Variants in ZNF141 observed in about 807,000 individuals in gnomAD.
The protein encoded by ZNF141 is zinc finger protein 141 (clone pHZ-44).
In ZNF141, 7 loss-of-function variants were observed where a neutral mutation model predicts 11.3. The ratio of observed to expected loss-of-function variants is 0.62; its 90% CI spans 0.35 to 1.16. The LOEUF is 1.16. Ranked by LOEUF, ZNF141 falls within the 50% of genes most tolerant of loss-of-function variation. The pLI is 0.02. For missense variants in ZNF141, 535 were observed against 554.0 expected, an observed-to-expected ratio of 0.97 and a Z score of 0.34; for synonymous variants, 183 against 190.7, an observed-to-expected ratio of 0.96 and a Z score of 0.33.
chr4:364,877 G>T (rs1553852753), intron 3 of ZNF141, among the ~76,000 whole-genome samples: 4 of 152,016 alleles, frequency 2.6e-5, no homozygotes, highest in African/African-American at 7.3e-5. Context: ...CATCATACAG[G>T]ACGATTAAAT....
rs782521255 is a variant in ZNF141, at chr4:343,924, A to G, written c.130+16A>G. On this transcript the variant is annotated intron_variant, in intron 2 of 3. Coordinates refer to ENST00000240499, the MANE Select transcript of ZNF141 (RefSeq NM_003441.4). ...GTCTCCCTGGGTGAGGATAACTTCA[A>G]TACATAATTCCTAATTTTTCTCAGA... 1.9e-6 allele frequency: 3 copies of G among 1,582,474 alleles called. No individual in the cohort carries two copies. Among genetic ancestry groups the G allele is most frequent in the East Asian group, 2.2e-5 (1 of 44,470 alleles).
At position 384,422 on chromosome 4, in the gene ZNF141, A is replaced by T. The variant is rs1326300955; in HGVS notation, c.*10560A>T. 2 of 152,196 alleles carry T rather than the reference A, an allele frequency of 1.3e-5. No homozygotes were observed. Among genetic ancestry groups the T allele is most frequent in the Non-Finnish European group, 2.9e-5 (2 of 68,046 alleles). The allele number at this position is 152,196 out of a possible 1,614,324, so 9.4% of individuals were successfully genotyped here. ...AAAACACCCACGGGACCACACCTGC[A>T]CCACCCATGTAGCTAGCAGGAAGAA... On this transcript the variant is annotated 3_prime_UTR_variant, in exon 4 of 4. Coordinates refer to ENST00000240499, the MANE Select transcript of ZNF141 (RefSeq NM_003441.4).
At chr4:344,610 A>G (rs1443744540) in intron 3 of ZNF141, among the ~76,000 whole-genome samples, 180 bp downstream of exon 3, 5 of 152,166 alleles carry the variant, frequency 3.3e-5, no homozygotes, top group Admixed American at 1.3e-4. Flanking sequence ...CCTGGCCAAC[A>G]TGGTGAAACC....
chr4:338,080 C>G, intron 1 of ZNF141, 94 bp downstream of exon 1: 2 of 1,551,428 alleles, frequency 1.3e-6, no homozygotes, highest in Non-Finnish European at 1.8e-6. Context: ...ACGGAGTCCC[C>G]GCTGCCGCCG....
In ZNF141 at chr4:368,480, G is replaced by A. The variant is rs187656563; in HGVS notation, c.227-4184G>A. Among the ~76,000 whole-genome samples the A allele has an allele frequency of 3.5e-4, 53 of 152,206 alleles. No homozygotes were observed. In the East Asian group the frequency reaches 9.8e-3, roughly 28 times the overall value. The stretch of plus-strand genomic sequence containing the variant: ...TGATCTCGAACACCTGACCTCAAGC[G>A]ATCCACCTGTCTCGGCCTCCCAAAC... On this transcript the variant is annotated intron_variant, in intron 3 of 3. Transcript: ENST00000240499.
Position 378,382 on chromosome 4 carries a change from C to A in ZNF141, c.*4520C>A, listed in dbSNP as rs951109837. 6.6e-6 allele frequency among the ~76,000 whole-genome samples: 1 copy of A among 152,006 alleles called. No individual in the cohort carries two copies. The highest frequency in any genetic ancestry group is 1.5e-5 in the Non-Finnish European group (1 of 68,006). On this transcript the variant is annotated 3_prime_UTR_variant, in exon 4 of 4. Transcript: ENST00000240499. Reference sequence around the variant, plus strand: ...CTCCCAGGTTCAAGTGATTCTCCTGCCTCAGCCTCCTGAGTTAACTGGGAC... The same window carrying A: ...CTCCCAGGTTCAAGTGATTCTCCTGACTCAGCCTCCTGAGTTAACTGGGAC...
At chr4:360,478 GTTAT>G (rs1448996969) in intron 3 of ZNF141, among the ~76,000 whole-genome samples, 1 of 152,154 alleles carries the variant, frequency 6.6e-6, no homozygotes, top group Non-Finnish European at 1.5e-5. Context: ...TTGAAAACTA[GTTAT>G]TTAAAGGATT....
Position 382,000 on chromosome 4 carries a change from C to CA in ZNF141, c.*8139dup, listed in dbSNP as rs1455767352. Among the ~76,000 whole-genome samples the CA allele has an allele frequency of 1.4e-5, 2 of 143,208 alleles. No homozygotes were observed. The highest frequency in any genetic ancestry group is 2.2e-4 in the South Asian group (1 of 4,516). 94.0% of individuals were successfully genotyped at this position (143,208 alleles called of 152,430 possible). ...TCTCACTCTCGCCCAGGCTGGAGTG[C>CA]AGTGGCTCGATCTCGGCTCACTGCA... On this transcript the variant is annotated 3_prime_UTR_variant, in exon 4 of 4. Transcript: ENST00000240499.
intron 3 of ZNF141, among the ~76,000 whole-genome samples, chr4:351,172 C>A (rs1581594899): frequency 6.6e-6 from 1 of 152,108 alleles, no homozygotes; most frequent in African/African-American, 2.4e-5. Context: ...CTTTCTGAGG[C>A]CTCCCCAAAA....
At chr4:353,758 C>T (rs935067390) in intron 3 of ZNF141, among the ~76,000 whole-genome samples, 5 of 152,184 alleles carry the variant, frequency 3.3e-5, no homozygotes, top group Non-Finnish European at 5.9e-5. Context: ...CACCACTCCC[C>T]GCTGAGAGTT....
At position 382,625 on chromosome 4, in the gene ZNF141, T is replaced by C. The variant is rs541554703; in HGVS notation, c.*8763T>C. On this transcript the variant is annotated 3_prime_UTR_variant, in exon 4 of 4. Coordinates refer to ENST00000240499, the MANE Select transcript of ZNF141 (RefSeq NM_003441.4). ...ATTTTCTCAAATTGTTTACAGTTTT[T>C]CCAAGAGACTTCAGAACCATTCCCT... 7.2e-5 allele frequency: 11 copies of C among 152,480 alleles called. No individual in the cohort carries two copies. Among genetic ancestry groups the C allele is most frequent in the African/African-American group, 2.6e-4 (11 of 41,576 alleles). The allele number at this position is 152,480 out of a possible 1,614,324, so 9.4% of individuals were successfully genotyped here. A position where few individuals can be genotyped will look rare whatever the true frequency, so the allele number is the denominator to read the frequency against.
rs1712472868 is a variant in ZNF141 at position 378,559 on chromosome 4, T to G, written c.*4697T>G. Among the ~76,000 whole-genome samples the G allele has an allele frequency of 6.6e-6, 1 of 152,102 alleles. No individual in the cohort carries two copies. The highest frequency in any genetic ancestry group is 2.4e-5 in the African/African-American group (1 of 41,428). On this transcript the variant is annotated 3_prime_UTR_variant, in exon 4 of 4. Transcript: ENST00000240499. ...CTGGGATTACAGGCATGAGCCACCG[T>G]GCCTGGCCAGAATATTATATCTTTG...
Position 373,852 on chromosome 4 carries a change from T to A in ZNF141, c.1415T>A (p.Ile472Asn). ...RFSHLNKHKK[I>N]HT The stretch of plus-strand genomic sequence containing the variant: ...TCACACCTGAATAAACATAAGAAAA[T>A]TCATACTTGAGAGAAATCCTACAAA... The change falls in exon 4 of 4, where the codon ATT (isoleucine) becomes AAT (asparagine). Residue 472 changes from isoleucine to asparagine, a missense_variant. Ile to Asn is a moderately radical substitution (Grantham distance 149). Transcript: ENST00000240499. 1 of 1,601,208 alleles carries A rather than the reference T, an allele frequency of 6.2e-7. No individual in the cohort carries two copies. The highest frequency in any genetic ancestry group is 8.5e-7 in the Non-Finnish European group (1 of 1,173,798).
At chr4:346,851 G>A (rs782010125) in intron 3 of ZNF141, among the ~76,000 whole-genome samples, 20 of 144,274 alleles carry the variant, frequency 1.4e-4, no homozygotes, top group Admixed American at 3.5e-4. Flanking sequence ...ATATATATAT[G>A]TATATACATG....
chr4:383,282 GC>G lies in ZNF141; in HGVS notation c.*9422del. 1.6e-6 allele frequency: 1 copy of G among 624,188 alleles called. No individual in the cohort carries two copies. The highest frequency in any genetic ancestry group is 2.8e-6 in the Non-Finnish European group (1 of 352,234). The allele number at this position is 624,188 out of a possible 1,614,324, so 38.7% of individuals were successfully genotyped here. On this transcript the variant is annotated 3_prime_UTR_variant, in exon 4 of 4. Transcript: ENST00000240499. Reference sequence around the variant, plus strand: ...CAGAAGAATGGCCCGGCTGAGCCCAGCCTAAATTTCTAACCAGCTCAATCCT... The same window carrying G: ...CAGAAGAATGGCCCGGCTGAGCCCAGCTAAATTTCTAACCAGCTCAATCCT...
intron 3 of ZNF141, among the ~76,000 whole-genome samples, chr4:351,737 G>A (rs1220245171): frequency 6.6e-6 from 1 of 152,132 alleles, no homozygotes; most frequent in Non-Finnish European, 1.5e-5. Context: ...TCTTGATTCT[G>A]CCAAAGCAGG....
At chr4:361,337 C>T (rs1041282803) in intron 3 of ZNF141, among the ~76,000 whole-genome samples, 31 of 148,302 alleles carry the variant, frequency 2.1e-4, no homozygotes, top group African/African-American at 7.2e-4. Flanking sequence ...TTTTTTTTAA[C>T]GGAATGATCT....
chr4:351,348 C>T (rs1159439682), intron 3 of ZNF141, among the ~76,000 whole-genome samples: 2 of 151,970 alleles, frequency 1.3e-5, no homozygotes, highest in African/African-American at 4.8e-5. Flanking sequence ...ATTCTCCTGC[C>T]TCAGCCTCCC....
intron 3 of ZNF141, among the ~76,000 whole-genome samples, chr4:370,945 G>T (rs1712025680): frequency 6.6e-6 from 1 of 151,668 alleles, no homozygotes; most frequent in Admixed American, 6.6e-5. Context: ...TGTTAGCCAG[G>T]ATGGTCTCAC....
Sources: gnomAD v4.1 joint callset for allele counts (sites outside exome capture counted in the v4.1 genomes callset) on GRCh38, gnomAD v4.1.1 for gene constraint, MANE v1.5 for transcripts, NCBI Gene and HGNC (gene_info 2026-07-23, HGNC 2026-07-21) for gene names.